The following CBR4 variants were observed in gnomAD, a reference collection of about 807,000 sequenced individuals.
The protein encoded by CBR4 is carbonyl reductase 4, also known as 3-oxoacyl-[acyl-carrier-protein] reductase.
In CBR4, 22 loss-of-function variants were observed where a neutral mutation model predicts 21.0. That is an observed-to-expected ratio of 1.05 (90% CI 0.75 to 1.50). The LOEUF (loss-of-function observed/expected upper bound fraction) is 1.50, where lower values mean the gene tolerates loss of function less well. Among genes scored for constraint, CBR4 ranks in the 40% most tolerant of loss-of-function variants. The probability of loss-of-function intolerance (pLI) is 0.00; values close to 1 mark genes in which losing one functional copy is unlikely to be tolerated. For missense variants in CBR4, 302 were observed against 286.3 expected, an observed-to-expected ratio of 1.05 and a Z score of -0.40; for synonymous variants, 100 against 104.4, an observed-to-expected ratio of 0.96 and a Z score of 0.26.
In CBR4 at chr4:169,010,194, A is replaced by G. The variant is rs1356111574; in HGVS notation, c.-105T>C. On this transcript the variant is annotated 5_prime_UTR_variant, in exon 1 of 5. Transcript: ENST00000306193. ...CGGTTCCAAAAAAAAAAAAAAGAAA[A>G]AAAAAGGCAAACCGCAAAAAAAAAT... 1.8e-6 allele frequency: 2 copies of G among 1,106,288 alleles called. No individual in the cohort carries two copies. The allele number at this position is 1,106,288 out of a possible 1,614,324, so 68.5% of individuals were successfully genotyped here.
chr4:168,974,982 T>C (rs1464384718), intron 2 of CBR4, among the ~76,000 whole-genome samples: 1 of 152,166 alleles, frequency 6.6e-6, no homozygotes, highest in Non-Finnish European at 1.5e-5. Context: ...TAAAGAATCT[T>C]GTTTTGTCAT....
downstream of CBR4, among the ~76,000 whole-genome samples, chr4:168,986,933 C>T (rs1485861207): frequency 1.3e-5 from 2 of 152,090 alleles, no homozygotes; most frequent in African/African-American, 2.4e-5. Context: ...CACAGCAAAA[C>T]CCTATCTCAA....
chr4:168,975,890 C>A (rs763749351), intron 2 of CBR4, among the ~76,000 whole-genome samples: 1 of 152,116 alleles, frequency 6.6e-6, no homozygotes, highest in Non-Finnish European at 1.5e-5. Flanking sequence ...CAGTGACAGA[C>A]CTCACCCAAC....
chr4:168,922,096 T>TAC (rs1464630467), intron 2 of CBR4, among the ~76,000 whole-genome samples: 51 of 104,906 alleles, frequency 4.9e-4, no homozygotes, highest in African/African-American at 1.5e-3. Context: ...TATATATATA[T>TAC]ATATATACAC....
intron 2 of CBR4, among the ~76,000 whole-genome samples, chr4:168,943,805 G>A (rs1763326307): frequency 6.6e-6 from 1 of 152,140 alleles, no homozygotes; most frequent in South Asian, 2.1e-4. Flanking sequence ...AGCTACTCAG[G>A]AAGCTGAAGT....
chr4:168,970,409 A>G (rs1764169651), intron 2 of CBR4, among the ~76,000 whole-genome samples: 1 of 152,054 alleles, frequency 6.6e-6, no homozygotes, highest in Non-Finnish European at 1.5e-5. Flanking sequence ...ACCAATTTCA[A>G]TTTCTTCCCT....
intron 2 of CBR4, among the ~76,000 whole-genome samples, chr4:168,973,998 T>C (rs1764292864): frequency 6.6e-6 from 1 of 152,194 alleles, no homozygotes; most frequent in African/African-American, 2.4e-5. Flanking sequence ...TTTTTCATTG[T>C]GTTATTGTTT....
chr4:168,999,861 C>T (rs1378393132), intron 4 of CBR4, among the ~76,000 whole-genome samples: 1 of 152,118 alleles, frequency 6.6e-6, no homozygotes, highest in East Asian at 1.9e-4. Flanking sequence ...ATTTTATATT[C>T]GTCATATGAC....
At chr4:169,004,033 C>T (rs1414685211) in intron 3 of CBR4, among the ~76,000 whole-genome samples, 1 of 152,016 alleles carries the variant, frequency 6.6e-6, no homozygotes, top group East Asian at 1.9e-4. Context: ...CAGCATGGCA[C>T]ATGTATACAT....
chr4:168,984,795 AAAAC>A (rs1399610425), downstream of CBR4, among the ~76,000 whole-genome samples: 1 of 152,198 alleles, frequency 6.6e-6, no homozygotes, highest in African/African-American at 2.4e-5. Context: ...AAAGTCGACA[AAAAC>A]AAGCAATGGG....
chr4:168,924,401 C>T (rs2126574261), intron 2 of CBR4: 2 of 1,613,934 alleles, frequency 1.2e-6, no homozygotes, highest in East Asian at 2.2e-5. Context: ...ATCACTCACT[C>T]ACAGCACTGA....
chr4:168,916,064 C>A, intron 2 of CBR4: 1 of 1,592,056 alleles, frequency 6.3e-7, no homozygotes. Context: ...CCTATTGCCC[C>A]ACTTCTCCCT....
rs556210428 is a variant in CBR4 at position 168,936,334 on chromosome 4, T to C, written n.170-41569A>G. On this transcript the variant is annotated intron_variant and non_coding_transcript_variant, in intron 2 of 3. Coordinates refer to the CBR4 transcript ENST00000509108. The stretch of plus-strand genomic sequence containing the variant: ...ATCCACGAAGATGGGGAGAAACCAA[T>C]GCAAAAGGGCTGAAAATTGCAAAAA... Among the ~76,000 whole-genome samples, 6 of 152,274 alleles carry C rather than the reference T, an allele frequency of 3.9e-5. No homozygotes were observed. The South Asian group carries it at 1.2e-3, about 32-fold the overall frequency.
rs563135659 is a variant in CBR4, at chr4:168,916,381, G to C, written n.170-21616C>G. Among the ~76,000 whole-genome samples, 5 of 152,264 alleles carry C rather than the reference G, an allele frequency of 3.3e-5. No homozygotes were observed. In the South Asian group the frequency reaches 1.0e-3, roughly 32 times the overall value. On this transcript the variant is annotated intron_variant and non_coding_transcript_variant, in intron 2 of 3. Coordinates refer to the CBR4 transcript ENST00000509108. Reference sequence around the variant, plus strand: ...GCTATGATCGAGCCACTGAATTCCAGCCTGGGTGACAGAGCAAGACCCTGT... The same window carrying C: ...GCTATGATCGAGCCACTGAATTCCACCCTGGGTGACAGAGCAAGACCCTGT...
At chr4:168,991,327 T>C (rs1764913094) in intron 4 of CBR4, among the ~76,000 whole-genome samples, 1 of 152,160 alleles carries the variant, frequency 6.6e-6, no homozygotes, top group Non-Finnish European at 1.5e-5. Flanking sequence ...TAGAAGTATA[T>C]ATAAAATATC....
At chr4:168,954,878 T>C (rs955430849) in intron 2 of CBR4, among the ~76,000 whole-genome samples, 1 of 152,186 alleles carries the variant, frequency 6.6e-6, no homozygotes, top group Admixed American at 6.5e-5. Flanking sequence ...CCAGGAAATA[T>C]TTATTCAAGA....
chr4:168,999,957 G>A (rs542835603), intron 4 of CBR4, among the ~76,000 whole-genome samples: 1 of 152,034 alleles, frequency 6.6e-6, no homozygotes, highest in South Asian at 2.1e-4. Context: ...TGTAATTTGG[G>A]GAGCTAGCTC....
chr4:168,910,502 T>G (rs557989367), intron 2 of CBR4, among the ~76,000 whole-genome samples: 2 of 152,276 alleles, frequency 1.3e-5, no homozygotes, highest in South Asian at 4.1e-4. Flanking sequence ...AAAATTCCAT[T>G]ACATAAACAA....
chr4:168,997,118 T>C (rs997878078), intron 4 of CBR4, among the ~76,000 whole-genome samples: 1 of 152,084 alleles, frequency 6.6e-6, no homozygotes, highest in African/African-American at 2.4e-5. Flanking sequence ...GCTAGGTATA[T>C]ATTAACAATG....
Sources: gnomAD v4.1 joint callset for allele counts (sites outside exome capture counted in the v4.1 genomes callset) on GRCh38, gnomAD v4.1.1 for gene constraint, MANE v1.5 for transcripts, NCBI Gene and HGNC (gene_info 2026-07-23, HGNC 2026-07-21) for gene names.